The following AK5 variants were observed in gnomAD, a reference collection of about 807,000 sequenced individuals.
AK5 encodes the protein adenylate kinase 5, also known as adenylate kinase isoenzyme 5.
AK5 carries 27 observed loss-of-function variants against 69.5 expected under a neutral mutation model. The observed-to-expected ratio is 0.39, with a 90% CI of 0.29 to 0.54. The LOEUF is 0.54. Ranked by LOEUF, AK5 falls within the 20% of genes least tolerant of loss-of-function variation. The pLI, the probability that AK5 is intolerant of heterozygous loss-of-function variation, is 0.71. For synonymous variants in AK5, 260 were observed against 244.4 expected (o/e 1.06, Z -0.60); for missense variants, 531 against 700.4 (o/e 0.76, Z 2.73).
intron 10 of AK5, among the ~76,000 whole-genome samples, chr1:77,498,424 C>T (rs775382768): frequency 1.3e-5 from 2 of 152,176 alleles, no homozygotes; most frequent in Non-Finnish European, 2.9e-5. Context: ...ATTTTTAAAA[C>T]GAGAGACTCA....
chr1:77,376,852 G>T (rs529203166), intron 6 of AK5, among the ~76,000 whole-genome samples: 11 of 152,268 alleles, frequency 7.2e-5, no homozygotes, highest in Non-Finnish European at 1.5e-5. Context: ...GAGTCTGAAG[G>T]TTGAGGCTGC....
At position 77,297,916 on chromosome 1, in the gene AK5, A is replaced by T; in HGVS notation, c.668A>T (p.Asp223Val). 6.2e-7 allele frequency: 1 copy of T among 1,613,310 alleles called. No individual in the cohort carries two copies. Among genetic ancestry groups the T allele is most frequent in the Non-Finnish European group, 8.5e-7 (1 of 1,179,670 alleles). ...EGIVIDGFPRDVAQALSFEDQ... is the reference protein window; with the variant it reads ...EGIVIDGFPRVVAQALSFEDQ... ...ATTGTTATTGATGGATTTCCAAGAG[A>T]TGTTGCCCAGGCTCTATCTTTTGAG... Residue 223 changes from aspartate to valine, a missense_variant, in exon 5 of 14, where the codon GAT becomes GTT. Asp to Val is a radical substitution (Grantham distance 152). Transcript: ENST00000354567.
At chr1:77,411,954 C>T (rs1650074305) in intron 7 of AK5, among the ~76,000 whole-genome samples, 1 of 152,064 alleles carries the variant, frequency 6.6e-6, no homozygotes, top group Non-Finnish European at 1.5e-5. Flanking sequence ...AAAAAGTTGG[C>T]CTATTGCAAG....
At chr1:77,459,039 CAT>C (rs1361002946) in intron 8 of AK5, among the ~76,000 whole-genome samples, 1 of 152,154 alleles carries the variant, frequency 6.6e-6, no homozygotes, top group Non-Finnish European at 1.5e-5. Flanking sequence ...CTGGTTGCCA[CAT>C]AAGCACATTT....
intron 10 of AK5, among the ~76,000 whole-genome samples, chr1:77,518,302 T>A (rs1657781018): frequency 2.0e-5 from 3 of 152,250 alleles, no homozygotes; most frequent in African/African-American, 7.2e-5. Context: ...TTACAAGTGG[T>A]CTATGAAAAG....
At chr1:77,448,074 A>G (rs1339749702) in intron 8 of AK5, among the ~76,000 whole-genome samples, 2 of 152,200 alleles carry the variant, frequency 1.3e-5, no homozygotes, top group African/African-American at 4.8e-5. Flanking sequence ...TGAGGCCTAC[A>G]GGTCCCCCTT....
At chr1:77,396,107 T>G (rs569387619) in intron 6 of AK5, among the ~76,000 whole-genome samples, 1 of 152,344 alleles carries the variant, frequency 6.6e-6, no homozygotes, top group Admixed American at 6.5e-5. Context: ...TTCTACATGT[T>G]GCTTCCTGTC....
At chr1:77,493,241 T>C (rs920098393) in intron 10 of AK5, among the ~76,000 whole-genome samples, 1 of 152,064 alleles carries the variant, frequency 6.6e-6, no homozygotes. Context: ...CTGGCTCAGC[T>C]AGAACAAAAA....
At chr1:77,363,343 A>G (rs928437252) in intron 6 of AK5, among the ~76,000 whole-genome samples, 18 of 150,974 alleles carry the variant, frequency 1.2e-4, no homozygotes, top group African/African-American at 4.1e-4. Context: ...TACCACTACC[A>G]CTCTTGTCCA....
At chr1:77,305,198 G>A (rs966668683) in intron 5 of AK5, among the ~76,000 whole-genome samples, 21 of 151,998 alleles carry the variant, frequency 1.4e-4, no homozygotes, top group Non-Finnish European at 7.4e-5. Flanking sequence ...CTGTAGAGTT[G>A]TTTGCGCTCC....
chr1:77,424,570 T>G (rs1651063833), intron 8 of AK5, among the ~76,000 whole-genome samples: 1 of 152,142 alleles, frequency 6.6e-6, no homozygotes. Context: ...AGAAGGAAAT[T>G]CTAACACAGA....
chr1:77,404,896 C>G (rs969109342), intron 6 of AK5, among the ~76,000 whole-genome samples: 1 of 152,162 alleles, frequency 6.6e-6, no homozygotes, highest in Non-Finnish European at 1.5e-5. Flanking sequence ...TGTGCTTTAT[C>G]TTTTCCTCTT....
chr1:77,366,137 A>G (rs990343417), intron 6 of AK5, among the ~76,000 whole-genome samples: 4 of 152,180 alleles, frequency 2.6e-5, no homozygotes, highest in African/African-American at 7.2e-5. Context: ...GGTATCAGAG[A>G]CTTTATGCAC....
chr1:77,321,497 T>C (rs958482002), intron 5 of AK5, among the ~76,000 whole-genome samples: 2 of 151,906 alleles, frequency 1.3e-5, no homozygotes, highest in African/African-American at 4.8e-5. Flanking sequence ...TCTCAGTACA[T>C]TTTAAAAGCT....
intron 6 of AK5, among the ~76,000 whole-genome samples, chr1:77,376,709 G>C (rs909156448): frequency 2.6e-5 from 4 of 152,148 alleles, no homozygotes; most frequent in African/African-American, 9.7e-5. Context: ...GGGAAGACGA[G>C]GTGAGAGGAT....
intron 6 of AK5, among the ~76,000 whole-genome samples, chr1:77,402,620 C>G (rs932585942): frequency 5.9e-5 from 9 of 151,510 alleles, no homozygotes; most frequent in African/African-American, 1.9e-4. Context: ...ACAAAGGACA[C>G]GAACTCATCA....
At chr1:77,537,924 G>A (rs1490390842) in intron 13 of AK5, among the ~76,000 whole-genome samples, 1 of 152,198 alleles carries the variant, frequency 6.6e-6, no homozygotes, top group Non-Finnish European at 1.5e-5. Context: ...GAGAATGTTT[G>A]TCAACACAGC....
At chr1:77,338,893 T>C (rs750219473) in intron 5 of AK5, among the ~76,000 whole-genome samples, 6 of 152,174 alleles carry the variant, frequency 3.9e-5, no homozygotes, top group African/African-American at 7.2e-5. Context: ...TGTATCTCTA[T>C]TGACAGATAA....
chr1:77,500,787 C>T (rs995828291), intron 10 of AK5, among the ~76,000 whole-genome samples: 7 of 152,036 alleles, frequency 4.6e-5, no homozygotes, highest in Non-Finnish European at 7.4e-5. Context: ...ATCTCACAAA[C>T]AACAACAACA....
Sources: allele counts gnomAD v4.1 joint callset (sites outside exome capture counted in the v4.1 genomes callset), GRCh38; gene constraint gnomAD v4.1.1; transcripts MANE v1.5; gene names NCBI Gene and HGNC (gene_info 2026-07-23, HGNC 2026-07-21).